SPIDR: variants seen among roughly 807,000 people sequenced by gnomAD.
The protein encoded by SPIDR is DNA repair-scaffolding protein.
In SPIDR, 93 loss-of-function variants were observed where a neutral mutation model predicts 104.6. That is an observed-to-expected ratio of 0.89 (90% CI 0.75 to 1.06). The LOEUF is 1.06. SPIDR is among the 50% of genes least tolerant of loss of function. The pLI is 0.00. For synonymous variants in SPIDR, 431 were observed against 416.9 expected (o/e 1.03, Z -0.41); for missense variants, 1,154 against 1,111.2 (o/e 1.04, Z -0.55).
chr8:47,362,772 C>G (rs1265671188), intron 5 of SPIDR, among the ~76,000 whole-genome samples: 3 of 152,146 alleles, frequency 2.0e-5, no homozygotes, highest in African/African-American at 7.2e-5. Flanking sequence ...GCTTCAGCCT[C>G]CCGAGTAGCT....
chr8:47,347,174 A>G (rs1554618787), intron 5 of SPIDR, among the ~76,000 whole-genome samples: 1 of 152,104 alleles, frequency 6.6e-6, no homozygotes, highest in East Asian at 1.9e-4. Context: ...TTCAAAGAAC[A>G]CCTTTATTTT....
At chr8:47,564,062 T>TTTTTC (rs1564345449) in intron 8 of SPIDR, among the ~76,000 whole-genome samples, 9 of 151,000 alleles carry the variant, frequency 6.0e-5, no homozygotes, top group Admixed American at 2.0e-4. Context: ...ATTTGCTTCT[T>TTTTTC]TTTTCTTTTC....
chr8:47,324,371 C>T (rs531010924), intron 5 of SPIDR, among the ~76,000 whole-genome samples: 1 of 150,400 alleles, frequency 6.6e-6, no homozygotes, highest in African/African-American at 2.4e-5. Context: ...TTGTCATTCT[C>T]TACTAGCTTT....
intron 8 of SPIDR, among the ~76,000 whole-genome samples, chr8:47,585,267 A>G (rs1318446960): frequency 6.6e-6 from 1 of 152,202 alleles, no homozygotes; most frequent in Non-Finnish European, 1.5e-5. Flanking sequence ...AGTACTGATA[A>G]TTGGACAGAA....
chr8:47,419,925 A>G (rs1554678672), intron 7 of SPIDR, among the ~76,000 whole-genome samples: 1 of 152,056 alleles, frequency 6.6e-6, no homozygotes, highest in South Asian at 2.1e-4. Context: ...GTAGTTGAGC[A>G]GTTTTGAGTG....
rs753145763 is a variant in SPIDR, at chr8:47,700,508, A to G, written c.1773+18A>G. 1.2e-6 allele frequency: 2 copies of G among 1,614,038 alleles called. No individual in the cohort carries two copies. Among genetic ancestry groups the G allele is most frequent in the East Asian group, 2.2e-5 (1 of 44,884 alleles). On this transcript the variant is annotated intron_variant, in intron 12 of 19. Coordinates refer to ENST00000297423, the MANE Select transcript of SPIDR (RefSeq NM_001080394.4). ...GTGAAGAGGTAAGCCCGGCACTGGA[A>G]AAACTTCCCCAGTCACAGACTACTC...
intron 5 of SPIDR, among the ~76,000 whole-genome samples, chr8:47,360,260 AAAAAAAAAAAAG>A (rs1408896282): frequency 6.7e-6 from 1 of 150,162 alleles, no homozygotes; most frequent in Non-Finnish European, 1.5e-5. Flanking sequence ...AAAAAAAAAA[AAAAAAAAAAAAG>A]AAATAGAGGG....
chr8:47,517,686 A>G (rs182415649), intron 8 of SPIDR, among the ~76,000 whole-genome samples: 17 of 152,354 alleles, frequency 1.1e-4, no homozygotes, highest in African/African-American at 3.8e-4. Flanking sequence ...ATAATTTGAA[A>G]AGAAATTTGT....
At chr8:47,710,310 C>T (rs542795730) in intron 14 of SPIDR, among the ~76,000 whole-genome samples, 1 of 152,098 alleles carries the variant, frequency 6.6e-6, no homozygotes, top group South Asian at 2.1e-4. Context: ...TAATTAATTT[C>T]AAAGGAGATT....
chr8:47,704,050 G>A (rs1298173435), intron 14 of SPIDR, among the ~76,000 whole-genome samples: 1 of 152,232 alleles, frequency 6.6e-6, no homozygotes, highest in Admixed American at 6.5e-5. Flanking sequence ...GATGTAAGGA[G>A]TGTGCTTTAG....
intron 17 of SPIDR, among the ~76,000 whole-genome samples, chr8:47,728,121 GAA>G (rs1403708073): frequency 6.9e-6 from 1 of 144,886 alleles, no homozygotes; most frequent in East Asian, 2.1e-4. Flanking sequence ...GTCTCAAAAA[GAA>G]AAAGAGAAAA....
chr8:47,483,092 C>A (rs553089221), intron 8 of SPIDR, among the ~76,000 whole-genome samples: 1 of 151,944 alleles, frequency 6.6e-6, no homozygotes, highest in Non-Finnish European at 1.5e-5. Flanking sequence ...CTATAGAGAC[C>A]GTGCTCTTTC....
chr8:47,280,962 A>G (rs1006188964), intron 2 of SPIDR, among the ~76,000 whole-genome samples: 4 of 152,222 alleles, frequency 2.6e-5, no homozygotes, highest in African/African-American at 7.2e-5. Context: ...CAAGAAATGC[A>G]TGTTTACTCT....
Position 47,498,480 on chromosome 8 carries a change from C to A in SPIDR, c.1097+57938C>A, listed in dbSNP as rs1033201764. ...TTTAAAATAAAGCAGTAATACAAAA[C>A]AATGCTTAAGTTATGAGTTACAATG... is the stretch of plus-strand genomic sequence containing the variant. On this transcript the variant is annotated intron_variant, in intron 8 of 19. Coordinates refer to ENST00000297423, the MANE Select transcript of SPIDR (RefSeq NM_001080394.4). Among the ~76,000 whole-genome samples, 11 of 152,180 alleles carry A rather than the reference C, an allele frequency of 7.2e-5. No homozygotes were observed. In the East Asian group the frequency reaches 2.1e-3, roughly 29 times the overall value.
chr8:47,663,872 G>A (rs1256974490), intron 10 of SPIDR, among the ~76,000 whole-genome samples: 1 of 152,236 alleles, frequency 6.6e-6, no homozygotes, highest in Non-Finnish European at 1.5e-5. Flanking sequence ...TGAGGACACA[G>A]TGGATTCTCT....
intron 10 of SPIDR, among the ~76,000 whole-genome samples, chr8:47,639,902 G>A (rs991500400): frequency 4.0e-5 from 6 of 151,560 alleles, no homozygotes; most frequent in African/African-American, 1.5e-4. Flanking sequence ...AGCCGAGATC[G>A]CACCATTGCA....
In SPIDR at chr8:47,549,296, C is replaced by T. The variant is rs552279551; in HGVS notation, c.1098-46515C>T. On this transcript the variant is annotated intron_variant, in intron 8 of 19. Coordinates refer to ENST00000297423, the MANE Select transcript of SPIDR (RefSeq NM_001080394.4). ...TTGGGTATATACCCAGTAATGGGCTCGTTGGGTCAAATGGTATTTCTAGTT... is the reference window on the plus strand; with the variant it reads ...TTGGGTATATACCCAGTAATGGGCTTGTTGGGTCAAATGGTATTTCTAGTT... Among the ~76,000 whole-genome samples the T allele has an allele frequency of 7.4e-4, 113 of 152,196 alleles. 1 individual carries two copies. Among genetic ancestry groups the T allele is most frequent in the Non-Finnish European group, 1.1e-3 (78 of 67,996 alleles).
intron 5 of SPIDR, among the ~76,000 whole-genome samples, chr8:47,317,797 G>A (rs201057640): frequency 6.6e-6 from 1 of 152,234 alleles, no homozygotes; most frequent in Non-Finnish European, 1.5e-5. Context: ...ACCGGTATCC[G>A]CTGTTCTGCA....
At chr8:47,442,044 G>A (rs1317555731) in intron 8 of SPIDR, among the ~76,000 whole-genome samples, 1 of 151,954 alleles carries the variant, frequency 6.6e-6, no homozygotes. Context: ...GTTTTATATG[G>A]TGTTTTAATA....
Sources: allele counts gnomAD v4.1 joint callset (sites outside exome capture counted in the v4.1 genomes callset), GRCh38; gene constraint gnomAD v4.1.1; transcripts MANE v1.5; gene names NCBI Gene and HGNC (gene_info 2026-07-23, HGNC 2026-07-21).